Variants in PACSIN1 observed in about 807,000 individuals in gnomAD.
PACSIN1 encodes the protein protein kinase C and casein kinase substrate in neurons protein 1.
A neutral mutation model predicts 59.5 loss-of-function variants in PACSIN1; 15 were observed. That is an observed-to-expected ratio of 0.25 (90% CI 0.17 to 0.39). PACSIN1 has a LOEUF of 0.39. Ranked by LOEUF, PACSIN1 falls within the 10% of genes least tolerant of loss-of-function variation. The probability of loss-of-function intolerance (pLI) is 1.00; values close to 1 mark genes in which losing one functional copy is unlikely to be tolerated. For missense variants in PACSIN1, 420 were observed against 580.2 expected (o/e 0.72, Z 2.84); for synonymous variants, 210 against 220.6 (o/e 0.95, Z 0.42).
In PACSIN1 at chr6:34,530,710, T is replaced by C. The variant is rs1052376192; in HGVS notation, c.1037+123T>C. 15 of 1,063,176 alleles carry C rather than the reference T, an allele frequency of 1.4e-5. No individual in the cohort carries two copies. The highest frequency in any genetic ancestry group is 2.5e-5 in the South Asian group (1 of 40,188). The allele number at this position is 1,063,176 out of a possible 1,614,324, so 65.9% of individuals were successfully genotyped here. ...GCAACTATGTCTCCTCTCTAAAAGA[T>C]AGTGGTAGTTCATCACTCTAAAGCA... On this transcript the variant is annotated intron_variant, in intron 8 of 9. Coordinates refer to ENST00000244458, the MANE Select transcript of PACSIN1 (RefSeq NM_020804.5). This position sits in a 1 kb window ranked among gnomAD's most constrained non-coding sequence, Gnocchi z 4.4.
chr6:34,522,263 T>C lies in PACSIN1; in HGVS notation c.-63-3980T>C, dbSNP rs78862324. Among the ~76,000 whole-genome samples, 332 of 152,352 alleles carry C rather than the reference T, an allele frequency of 2.2e-3. 7 individuals carry two copies. In the East Asian group the frequency reaches 0.044, roughly 20 times the overall value. ...CCGCTGTTTACTGTCTCAAAGGCCA[T>C]GCGTGCACTATTTTAGTCACTCCGT... On this transcript the variant is annotated intron_variant, in intron 1 of 9. Coordinates refer to ENST00000244458, the MANE Select transcript of PACSIN1 (RefSeq NM_020804.5).
intron 1 of PACSIN1, among the ~76,000 whole-genome samples, chr6:34,487,900 C>T (rs1257790811): frequency 6.6e-6 from 1 of 152,218 alleles, no homozygotes; most frequent in Admixed American, 6.5e-5. Context: ...CAGCCTGCCC[C>T]TCATGCTACT....
chr6:34,469,310 G>A (rs1384533935), intron 1 of PACSIN1, among the ~76,000 whole-genome samples: 3 of 152,140 alleles, frequency 2.0e-5, no homozygotes, highest in African/African-American at 4.8e-5. Flanking sequence ...CTAGAAAGCC[G>A]AATGAAGGAA....
intron 1 of PACSIN1, among the ~76,000 whole-genome samples, chr6:34,498,115 G>C (rs533458532): frequency 6.6e-6 from 1 of 152,298 alleles, no homozygotes; most frequent in African/African-American, 2.4e-5. Context: ...AGGCTGGAGT[G>C]CAGTGGCACG....
At chr6:34,503,387 A>AC (rs1166084329) in intron 1 of PACSIN1, among the ~76,000 whole-genome samples, 1 of 152,220 alleles carries the variant, frequency 6.6e-6, no homozygotes, top group Non-Finnish European at 1.5e-5. Context: ...TGAGATGAGT[A>AC]AAGACTCCAG....
rs1208393710 is a variant in PACSIN1, at chr6:34,531,987, G to A, written c.1225+200G>A. Among the ~76,000 whole-genome samples the A allele has an allele frequency of 1.3e-5, 2 of 152,056 alleles. No homozygotes were observed. Among genetic ancestry groups the A allele is most frequent in the African/African-American group, 4.8e-5 (2 of 41,388 alleles). ...GGTGGTGCCTGAAAGAGAGGCTTGG[G>A]CCTGCATTGGGTGTGTGGTGGGGTA... On this transcript the variant is annotated intron_variant, in intron 9 of 9. Coordinates refer to ENST00000244458, the MANE Select transcript of PACSIN1 (RefSeq NM_020804.5). The surrounding 1 kb of genome is among the most constrained non-coding windows in gnomAD (Gnocchi z 4.4).
At chr6:34,473,928 C>G (rs1020675580) in intron 1 of PACSIN1, among the ~76,000 whole-genome samples, 2 of 152,136 alleles carry the variant, frequency 1.3e-5, no homozygotes, top group Non-Finnish European at 2.9e-5. Flanking sequence ...TTTATATAGT[C>G]AAATATTCAC....
intron 1 of PACSIN1, among the ~76,000 whole-genome samples, chr6:34,498,796 CA>C (rs1228510694): frequency 0.13 from 12,422 of 95,494 alleles, 535 homozygotes; most frequent in African/African-American, 0.17. Flanking sequence ...GACTTTGTCT[CA>C]AAAAAAAAAA....
At chr6:34,469,351 T>G (rs1229466878) in intron 1 of PACSIN1, among the ~76,000 whole-genome samples, 1 of 152,124 alleles carries the variant, frequency 6.6e-6, no homozygotes, top group East Asian at 1.9e-4. Context: ...CCACCCACCA[T>G]GGGCACTTCG....
At chr6:34,499,413 C>A (rs1181808289) in intron 1 of PACSIN1, among the ~76,000 whole-genome samples, 2 of 150,808 alleles carry the variant, frequency 1.3e-5, no homozygotes, top group African/African-American at 4.9e-5. Context: ...GGGTTGGGGA[C>A]TCCTGTTATA....
chr6:34,528,912 T>TG, intron 4 of PACSIN1, 35 bp downstream of exon 4: 2 of 464,336 alleles, frequency 4.3e-6, no homozygotes, highest in African/African-American at 2.4e-5. Flanking sequence ...CGGGGTGGGG[T>TG]GGGCCCGTCT....
rs375231139 is a variant in PACSIN1 at position 34,515,639 on chromosome 6, C to T, written c.-63-10604C>T. Among the ~76,000 whole-genome samples, 37 of 152,312 alleles carry T rather than the reference C, an allele frequency of 2.4e-4. No homozygotes were observed. The highest frequency in any genetic ancestry group is 1.7e-3 in the South Asian group (8 of 4,828). On this transcript the variant is annotated intron_variant, in intron 1 of 9. Coordinates refer to ENST00000244458, the MANE Select transcript of PACSIN1 (RefSeq NM_020804.5). This position sits in a 1 kb window ranked among gnomAD's most constrained non-coding sequence, Gnocchi z 4.4. Reference sequence around the variant, plus strand: ...CCAACCTCAGGCCCTTCCCCTTCCTCGTTCTCCCTGGAGACTTAGTGAACT... The same window carrying T: ...CCAACCTCAGGCCCTTCCCCTTCCTTGTTCTCCCTGGAGACTTAGTGAACT...
intron 1 of PACSIN1, among the ~76,000 whole-genome samples, chr6:34,473,943 T>C (rs943510523): frequency 6.6e-6 from 1 of 152,228 alleles, no homozygotes; most frequent in African/African-American, 2.4e-5. Flanking sequence ...ATTCACTTAG[T>C]ATTCACATTC....
Position 34,528,303 on chromosome 6 carries a change from G to A in PACSIN1, c.221-339G>A, listed in dbSNP as rs561206610. 1.4e-4 allele frequency among the ~76,000 whole-genome samples: 22 copies of A among 152,320 alleles called. No homozygotes were observed. In the South Asian group the frequency reaches 4.3e-3, roughly 30 times the overall value. The stretch of plus-strand genomic sequence containing the variant: ...CTACTGTGTGCTTGGCGCTGTGCTG[G>A]GCTTGTCAGAGCTCACAGGGTCCAG... On this transcript the variant is annotated intron_variant, in intron 3 of 9. Coordinates refer to ENST00000244458, the MANE Select transcript of PACSIN1 (RefSeq NM_020804.5).
chr6:34,480,651 A>G (rs1045143149), intron 1 of PACSIN1, among the ~76,000 whole-genome samples: 1 of 152,164 alleles, frequency 6.6e-6, no homozygotes, highest in Admixed American at 6.5e-5. Context: ...GCTGGCTTCC[A>G]TGAAGGGATA....
chr6:34,522,732 G>T (rs1767415232), intron 1 of PACSIN1, among the ~76,000 whole-genome samples: 1 of 152,204 alleles, frequency 6.6e-6, no homozygotes, highest in African/African-American at 2.4e-5. Flanking sequence ...GAACCAGGGG[G>T]GCCATGGGGT....
At chr6:34,473,551 C>G in intron 1 of PACSIN1, among the ~76,000 whole-genome samples, 1 of 152,068 alleles carries the variant, frequency 6.6e-6, no homozygotes, top group East Asian at 1.9e-4. Flanking sequence ...TTCCCGGGGT[C>G]TAGCCTTGAC....
chr6:34,469,422 C>A (rs556698966), intron 1 of PACSIN1, among the ~76,000 whole-genome samples: 1 of 151,228 alleles, frequency 6.6e-6, no homozygotes, highest in Non-Finnish European at 1.5e-5. Flanking sequence ...GGGGACTTGG[C>A]GGGCAGGTCA....
rs944458165 is a variant in PACSIN1, at chr6:34,518,609, C to T, written c.-63-7634C>T. ...AAGGGTGCTTTACCAAGCAAGTTAC[C>T]ACTGCGGGCAATTCAGCTCACTCCC... On this transcript the variant is annotated intron_variant, in intron 1 of 9. Coordinates refer to ENST00000244458, the MANE Select transcript of PACSIN1 (RefSeq NM_020804.5). This position sits in a 1 kb window ranked among gnomAD's most constrained non-coding sequence, Gnocchi z 4.4. 6.6e-6 allele frequency among the ~76,000 whole-genome samples: 1 copy of T among 152,196 alleles called. No individual in the cohort carries two copies. Among genetic ancestry groups the T allele is most frequent in the Non-Finnish European group, 1.5e-5 (1 of 68,038 alleles).
Sources: allele counts gnomAD v4.1 joint callset (sites outside exome capture counted in the v4.1 genomes callset), GRCh38; gene constraint gnomAD v4.1.1; non-coding constraint Gnocchi (gnomAD v3.1); transcripts MANE v1.5; gene names NCBI Gene and HGNC (gene_info 2026-07-23, HGNC 2026-07-21).